Variants in SSR1 observed in about 807,000 individuals in gnomAD.
SSR1 encodes the protein signal sequence receptor subunit 1.
In SSR1, 13 loss-of-function variants were observed where a neutral mutation model predicts 36.1. The ratio of observed to expected loss-of-function variants is 0.36; its 90% CI spans 0.23 to 0.57. The LOEUF (loss-of-function observed/expected upper bound fraction) is 0.57, where lower values mean the gene tolerates loss of function less well. Ranked by LOEUF, SSR1 falls within the 20% of genes least tolerant of loss-of-function variation. The pLI is 0.81. For missense variants in SSR1, 291 were observed against 338.5 expected, an observed-to-expected ratio of 0.86 and a Z score of 1.10; for synonymous variants, 113 against 118.9, an observed-to-expected ratio of 0.95 and a Z score of 0.32.
Position 7,313,147 on chromosome 6 carries a change from C to T in SSR1, c.-27G>A. Reference sequence around the variant, plus strand: ...GCGCTGCCGGTCCAGTGTCCAGTTTCCGTCGGCTAAGGCTCTCGGCGGCTC... The same window carrying T: ...GCGCTGCCGGTCCAGTGTCCAGTTTTCGTCGGCTAAGGCTCTCGGCGGCTC... On this transcript the variant is annotated 5_prime_UTR_variant, in exon 1 of 8. Transcript: ENST00000244763. The T allele has an allele frequency of 6.3e-7, 1 of 1,588,740 alleles. No homozygotes were observed. Among genetic ancestry groups the T allele is most frequent in the Non-Finnish European group, 8.6e-7 (1 of 1,167,472 alleles).
intron 7 of SSR1, chr6:7,294,920 G>A: frequency 2.0e-6 from 1 of 491,600 alleles, no homozygotes; most frequent in Non-Finnish European, 3.4e-6. Flanking sequence ...TAAATTGTCG[G>A]GTAATATTTT....
intron 5 of SSR1, 135 bp from the exon 6 acceptor site, chr6:7,298,136 C>T (rs1331187191): frequency 1.7e-6 from 1 of 595,156 alleles, no homozygotes; most frequent in Admixed American, 3.5e-5. Flanking sequence ...GCTTTGTATT[C>T]AACTTAAATC....
intron 2 of SSR1, among the ~76,000 whole-genome samples, chr6:7,306,888 G>T (rs1258905617): frequency 7.1e-6 from 1 of 139,916 alleles, no homozygotes; most frequent in Non-Finnish European, 1.5e-5. Context: ...CTGCACTCCA[G>T]CCTGGGCGAC....
At chr6:7,296,619 T>C (rs904913155) in intron 6 of SSR1, among the ~76,000 whole-genome samples, 1 of 151,478 alleles carries the variant, frequency 6.6e-6, no homozygotes, top group Non-Finnish European at 1.5e-5. Context: ...CTGAGAGAAA[T>C]AGTATAGGTT....
intron 7 of SSR1, among the ~76,000 whole-genome samples, chr6:7,294,544 A>G (rs1757750219): frequency 6.7e-6 from 1 of 150,332 alleles, no homozygotes; most frequent in East Asian, 2.0e-4. Flanking sequence ...AAAAAAAATT[A>G]GCCGGGCGTG....
intron 1 of SSR1, among the ~76,000 whole-genome samples, chr6:7,312,360 AG>A (rs1183480437): frequency 6.6e-6 from 1 of 152,204 alleles, no homozygotes; most frequent in Admixed American, 6.5e-5. Flanking sequence ...AGACAAGAAG[AG>A]GAAGAAGGCA....
At position 7,287,197 on chromosome 6, in the gene SSR1, T is replaced by A. The variant is rs1308495615; in HGVS notation, c.*2667A>T. 1.3e-5 allele frequency: 2 copies of A among 152,114 alleles called. No individual in the cohort carries two copies. Among genetic ancestry groups the A allele is most frequent in the Non-Finnish European group, 2.9e-5 (2 of 68,028 alleles). The allele number at this position is 152,114 out of a possible 1,614,324, so 9.4% of individuals were successfully genotyped here. On this transcript the variant is annotated 3_prime_UTR_variant, in exon 8 of 8. Transcript: ENST00000244763. Reference sequence around the variant, plus strand: ...TCTACTGTACCTCGAAAATAACACATCATTAAGTAAAGGTGGCAATGTTAC... The same window carrying A: ...TCTACTGTACCTCGAAAATAACACAACATTAAGTAAAGGTGGCAATGTTAC...
At chr6:7,311,072 A>G (rs1344190269) in intron 1 of SSR1, among the ~76,000 whole-genome samples, 42 of 152,246 alleles carry the variant, frequency 2.8e-4, no homozygotes, top group Admixed American at 2.6e-3. Context: ...ACTGGCTTGC[A>G]TGAAAAACAT....
intron 1 of SSR1, among the ~76,000 whole-genome samples, chr6:7,310,634 G>GGC (rs1285074710): frequency 2.6e-5 from 4 of 152,162 alleles, no homozygotes; most frequent in African/African-American, 4.8e-5. Flanking sequence ...ATTCTTGGCC[G>GGC]GCGCGGTGGC....
intron 6 of SSR1, chr6:7,296,822 A>G (rs1757807444): frequency 6.5e-6 from 1 of 153,168 alleles, no homozygotes; most frequent in African/African-American, 2.4e-5. Flanking sequence ...CCATTTTATT[A>G]CTCTAACCAC....
intron 4 of SSR1, 149 bp downstream of exon 4, chr6:7,301,161 A>C (rs1195722245): frequency 1.0e-6 from 1 of 962,700 alleles, no homozygotes; most frequent in Non-Finnish European, 1.5e-6. Context: ...CTTGAAGAAG[A>C]AACGTGCAAT....
chr6:7,282,356 C>T lies in SSR1; in HGVS notation c.*7508G>A, dbSNP rs1323064386. 1 of 152,232 alleles carries T rather than the reference C, an allele frequency of 6.6e-6. No individual in the cohort carries two copies. Among genetic ancestry groups the T allele is most frequent in the East Asian group, 1.9e-4 (1 of 5,204 alleles). The allele number at this position is 152,232 out of a possible 1,614,324, so 9.4% of individuals were successfully genotyped here. A position where few individuals can be genotyped will look rare whatever the true frequency, so the allele number is the denominator to read the frequency against. On this transcript the variant is annotated 3_prime_UTR_variant, in exon 8 of 8. Coordinates refer to ENST00000244763, the MANE Select transcript of SSR1 (RefSeq NM_003144.5). ...GGCACAAGAGAAAAACAGCCAGAGA[C>T]CGAGAAAACGGCGGGAAGGAAAGGT...
chr6:7,296,760 T>C (rs1296802478), intron 6 of SSR1: 1 of 151,980 alleles, frequency 6.6e-6, no homozygotes, highest in African/African-American at 2.4e-5. Context: ...AAGGATGTGG[T>C]AGGGAATGAA....
chr6:7,296,623 A>G lies in SSR1; in HGVS notation c.700-1138T>C, dbSNP rs78796216. ...ATATTTTCCCACTGAGAGAAATAGT[A>G]TAGGTTTTGTTTTTGTAGGCTGGAG... On this transcript the variant is annotated intron_variant, in intron 6 of 7. Transcript: ENST00000244763. Among the ~76,000 whole-genome samples the G allele has an allele frequency of 3.6e-3, 541 of 151,950 alleles. 6 individuals are homozygous for G. The highest frequency in any genetic ancestry group is 0.012 in the African/African-American group (507 of 41,452).
rs1359952324 is a variant in SSR1 at position 7,288,457 on chromosome 6, T to TA, written c.*1406dup. 2 of 152,530 alleles carry TA rather than the reference T, an allele frequency of 1.3e-5. No homozygotes were observed. Among genetic ancestry groups the TA allele is most frequent in the African/African-American group, 2.4e-5 (1 of 41,468 alleles). 9.4% of individuals were successfully genotyped at this position (152,530 alleles called of 1,614,324 possible). Reference sequence around the variant, plus strand: ...GCTTTGGCTCAGATGTTTAAATACTTAAACAGTTTGGAAAGACTTTTTTCT... The same window carrying TA: ...GCTTTGGCTCAGATGTTTAAATACTTAAAACAGTTTGGAAAGACTTTTTTCT... On this transcript the variant is annotated 3_prime_UTR_variant, in exon 8 of 8. Transcript: ENST00000244763.
chr6:7,300,871 G>A (rs1460659070), intron 4 of SSR1, among the ~76,000 whole-genome samples: 7 of 152,226 alleles, frequency 4.6e-5, no homozygotes, highest in Admixed American at 1.3e-4. Context: ...TCGAACTCCC[G>A]ACCTCAGGTG....
intron 4 of SSR1, among the ~76,000 whole-genome samples, chr6:7,300,025 T>C (rs955632833): frequency 7.2e-5 from 11 of 152,134 alleles, no homozygotes; most frequent in Non-Finnish European, 1.5e-4. Flanking sequence ...GAACTAAAAC[T>C]TCATATATAC....
At chr6:7,304,250 T>C (rs530867443) in intron 2 of SSR1, among the ~76,000 whole-genome samples, 6 of 152,232 alleles carry the variant, frequency 3.9e-5, no homozygotes, top group African/African-American at 1.2e-4. Flanking sequence ...AGAACAGAGC[T>C]TGGTAAACTT....
At chr6:7,297,317 T>C (rs1283152242) in intron 6 of SSR1, 1 of 155,094 alleles carries the variant, frequency 6.4e-6, no homozygotes, top group Non-Finnish European at 1.4e-5. Context: ...AACAGAACAA[T>C]AAAATCTGAG....
Sources: gnomAD v4.1 joint callset for allele counts (sites outside exome capture counted in the v4.1 genomes callset) on GRCh38, gnomAD v4.1.1 for gene constraint, MANE v1.5 for transcripts, NCBI Gene and HGNC (gene_info 2026-07-23, HGNC 2026-07-21) for gene names.